DVL1: variants seen among roughly 807,000 people sequenced by gnomAD.
The protein encoded by DVL1 is segment polarity protein dishevelled homolog DVL-1.
DVL1 carries 49 observed loss-of-function variants against 65.0 expected under a neutral mutation model. The ratio of observed to expected loss-of-function variants is 0.75; its 90% CI spans 0.60 to 0.96. DVL1 has a LOEUF of 0.96. Among genes scored for constraint, DVL1 ranks in the 40% least tolerant of loss-of-function variants. The pLI, the probability that DVL1 is intolerant of heterozygous loss-of-function variation, is 0.00. For missense variants in DVL1, 1,197 were observed against 1,045.4 expected (o/e 1.15, Z -2.00); for synonymous variants, 608 against 433.9 (o/e 1.40, Z -4.99).
In DVL1 at chr1:1,336,531, G is replaced by A. The variant is rs1297399848; in HGVS notation, c.1715-16C>T. 3 of 1,493,688 alleles carry A rather than the reference G, an allele frequency of 2.0e-6. No homozygotes were observed. The highest frequency in any genetic ancestry group is 2.7e-6 in the Non-Finnish European group (3 of 1,131,708). 92.5% of individuals were successfully genotyped at this position (1,493,688 alleles called of 1,614,324 possible). A position where few individuals can be genotyped will look rare whatever the true frequency, so the allele number is the denominator to read the frequency against. The stretch of plus-strand genomic sequence containing the variant: ...CTTTTGCTCCCTGGGAGTGAGAACA[G>A]GATGGGGAAGGAGCCTGTCAGCACC... On this transcript the variant is annotated splice_polypyrimidine_tract_variant and intron_variant, in intron 14 of 14. Coordinates refer to ENST00000378888, the MANE Select transcript of DVL1 (RefSeq NM_001330311.2).
chr1:1,337,679 A>G, intron 14 of DVL1: 1 of 580,244 alleles, frequency 1.7e-6, no homozygotes, highest in Non-Finnish European at 3.2e-6. Flanking sequence ...TCCCACCCAG[A>G]TGAGGTGGGG....
At chr1:1,341,550 G>A (rs1286160512) in intron 5 of DVL1, 117 bp downstream of exon 5, 1 of 1,300,140 alleles carries the variant, frequency 7.7e-7, no homozygotes, top group Non-Finnish European at 1.0e-6. Context: ...GCACACACAT[G>A]CACACACACG....
chr1:1,337,670 C>T (rs1643623174), intron 14 of DVL1: 1 of 557,900 alleles, frequency 1.8e-6, no homozygotes, highest in Non-Finnish European at 3.3e-6. Context: ...TCATCCCAAT[C>T]CCACCCAGAT....
In DVL1 at chr1:1,339,761, G is replaced by T; in HGVS notation, c.961C>A (p.Leu321Met). The part of the protein sequence containing the change: ...NMSNDDAVRV[L>M]REIVSQTGPI... ...CCCGTCTGGGAAACGATCTCCCGCA[G>T]CACCCGCACGGCATCGTCATTGCTC... is the stretch of plus-strand genomic sequence containing the variant. The change falls in exon 9 of 15, where the codon CTG (leucine) becomes ATG (methionine). Residue 321 changes from leucine (L) to methionine (M), a missense_variant. Coordinates refer to ENST00000378888, the MANE Select transcript of DVL1 (RefSeq NM_001330311.2). 1 of 1,613,026 alleles carries T rather than the reference G, an allele frequency of 6.2e-7. No individual in the cohort carries two copies.
rs372544077 is a variant in DVL1, at chr1:1,339,605, C to T, written c.1031G>A (p.Arg344Gln). The change falls in exon 10 of 15, where the codon CGA becomes CAA. Residue 344 changes from arginine (R) to glutamine (Q), a missense_variant. By Grantham distance (43) the Arg-to-Gln change is conservative. Coordinates refer to ENST00000378888, the MANE Select transcript of DVL1 (RefSeq NM_001330311.2). ...ACCCCGTGGGACGGTGAAGTAGCTT[C>T]GGGGCGTTGGGTCCCAGCACTTGGC... Reference protein sequence around the residue: ...TVAKCWDPTPRSYFTVPRADP... With the variant: ...TVAKCWDPTPQSYFTVPRADP... The T allele has an allele frequency of 3.7e-6, 6 of 1,606,758 alleles. No homozygotes were observed. Among genetic ancestry groups the T allele is most frequent in the South Asian group, 3.3e-5 (3 of 90,618 alleles).
At position 1,340,148 on chromosome 1, in the gene DVL1, C is replaced by G; in HGVS notation, c.799G>C (p.Val267Leu). 4 of 1,613,686 alleles carry G rather than the reference C, an allele frequency of 2.5e-6. No individual in the cohort carries two copies. Among genetic ancestry groups the G allele is most frequent in the Non-Finnish European group, 3.4e-6 (4 of 1,179,980 alleles). Residue 267 changes from valine to leucine, a missense_variant, in exon 8 of 15, where the codon GTG (valine) becomes CTG (leucine). Coordinates refer to ENST00000378888, the MANE Select transcript of DVL1 (RefSeq NM_001330311.2). Reference sequence around the variant, plus strand: ...TCTCCACGGTCGTTGCTCTGCCCCACGATGCTGATGCCCAGAAAGTGATGT... The same window carrying G: ...TCTCCACGGTCGTTGCTCTGCCCCAGGATGCTGATGCCCAGAAAGTGATGT... ...ERHHFLGISI[V>L]GQSNDRGDGG...
At chr1:1,337,708 G>A in intron 14 of DVL1, 2 of 664,372 alleles carry the variant, frequency 3.0e-6, no homozygotes, top group Non-Finnish European at 5.5e-6. Context: ...GCCCCTGTGT[G>A]AGACGCTTCC....
In DVL1 at chr1:1,338,617, A is replaced by T. The variant is rs756786864; in HGVS notation, c.1244T>A (p.Met415Lys). 8.7e-6 allele frequency: 14 copies of T among 1,611,790 alleles called. No homozygotes were observed. The highest frequency in any genetic ancestry group is 1.2e-5 in the Non-Finnish European group (14 of 1,179,856). ...CTGCATGACCCGGACGACGGCGCTC[A>T]TGTCACTCTTCACCGTCAGCGGCGC... ...EEAPLTVKSD[M>K]SAVVRVMQLP... Residue 415 changes from methionine (M) to lysine (K), a missense_variant, in exon 12 of 15, where the codon ATG becomes AAG. By Grantham distance (95) the Met-to-Lys change is moderately conservative. Transcript: ENST00000378888.
intron 1 of DVL1, among the ~76,000 whole-genome samples, chr1:1,344,338 T>G (rs999896809): frequency 1.3e-5 from 2 of 152,192 alleles, no homozygotes; most frequent in African/African-American, 2.4e-5. Flanking sequence ...CCACCCCGAC[T>G]GGCCGCTCCA....
At chr1:1,340,380 A>G (rs1424382579) in intron 6 of DVL1, 30 bp downstream of exon 6, 3 of 1,612,866 alleles carry the variant, frequency 1.9e-6, no homozygotes, top group Non-Finnish European at 2.5e-6. Context: ...TCGCCTCCCC[A>G]GCCCCGCCCT....
chr1:1,342,884 G>C (rs563490427), intron 1 of DVL1, 126 bp from the exon 2 acceptor site: 4 of 871,504 alleles, frequency 4.6e-6, no homozygotes, highest in Non-Finnish European at 7.0e-6. Flanking sequence ...CCCTGCTAGC[G>C]CATTCTCCTC....
intron 14 of DVL1, chr1:1,337,746 G>A (rs913804200): frequency 8.6e-6 from 6 of 698,126 alleles, no homozygotes; most frequent in Admixed American, 2.0e-5. Context: ...ACTGGCTCCT[G>A]GATCCCCCTG....
chr1:1,347,084 C>G (rs1643926394), intron 1 of DVL1, among the ~76,000 whole-genome samples: 1 of 152,094 alleles, frequency 6.6e-6, no homozygotes, highest in African/African-American at 2.4e-5. Context: ...AGGGAGGACA[C>G]AGAGCAAGGC....
intron 14 of DVL1, 62 bp from the exon 15 acceptor site, chr1:1,336,577 C>T (rs1643583642): frequency 6.8e-7 from 1 of 1,467,420 alleles, no homozygotes; most frequent in African/African-American, 1.5e-5. Flanking sequence ...ACGTCCAGAA[C>T]AACCGCCCCC....
rs1365719550 is a variant in DVL1 at position 1,339,251 on chromosome 1, C to T, written c.1207+36G>A. ...TGGCAGAGACGCCCCCTCCAAGCCT[C>T]GGTTTCTGCTGGGGCCCTCAGGAGC... On this transcript the variant is annotated intron_variant, in intron 11 of 14. Coordinates refer to ENST00000378888, the MANE Select transcript of DVL1 (RefSeq NM_001330311.2). The T allele has an allele frequency of 3.1e-5, 48 of 1,547,820 alleles. No homozygotes were observed. In the Admixed American group the frequency reaches 3.9e-4, roughly 13 times the overall value.
chr1:1,338,229 T>TTGCCCCCCCCC, intron 13 of DVL1, 40 bp downstream of exon 13: 11 of 1,522,342 alleles, frequency 7.2e-6, no homozygotes, highest in Non-Finnish European at 9.9e-6. Context: ...CCTCCGGCGT[T>TTGCCCCCCCCC]CCCCTCCCCC....
intron 1 of DVL1, among the ~76,000 whole-genome samples, chr1:1,344,337 C>A (rs1243168272): frequency 6.6e-6 from 1 of 152,220 alleles, no homozygotes; most frequent in African/African-American, 2.4e-5. Context: ...GCCACCCCGA[C>A]TGGCCGCTCC....
intron 1 of DVL1, among the ~76,000 whole-genome samples, chr1:1,345,683 G>A (rs867161299): frequency 2.6e-5 from 4 of 152,316 alleles, no homozygotes; most frequent in South Asian, 2.1e-4. Flanking sequence ...GGCCACACAG[G>A]ATGCAGAGAA....
chr1:1,337,965 C>A lies in DVL1; in HGVS notation c.1714+12G>T. On this transcript the variant is annotated intron_variant, in intron 14 of 14. Coordinates refer to ENST00000378888, the MANE Select transcript of DVL1 (RefSeq NM_001330311.2). Reference sequence around the variant, plus strand: ...GGAGCCGGGGAAGGGCAGGTAGGGGCGGCGTTCTCACCTTCACTCTGCTGA... The same window carrying A: ...GGAGCCGGGGAAGGGCAGGTAGGGGAGGCGTTCTCACCTTCACTCTGCTGA... 2.5e-6 allele frequency: 4 copies of A among 1,608,000 alleles called. No individual in the cohort carries two copies. The highest frequency in any genetic ancestry group is 3.4e-6 in the Non-Finnish European group (4 of 1,177,624).
Sources: allele counts gnomAD v4.1 joint callset (sites outside exome capture counted in the v4.1 genomes callset), GRCh38; gene constraint gnomAD v4.1.1; transcripts MANE v1.5; gene names NCBI Gene and HGNC (gene_info 2026-07-23, HGNC 2026-07-21).